SLC51A: variants seen among roughly 807,000 people sequenced by gnomAD.
SLC51A encodes the protein organic solute transporter subunit alpha.
Under a neutral mutation model 34.8 loss-of-function variants are expected in SLC51A, and 22 were observed. That is an observed-to-expected ratio of 0.63 (90% CI 0.45 to 0.90). The LOEUF (loss-of-function observed/expected upper bound fraction) is 0.90, where lower values mean the gene tolerates loss of function less well. Ranked by LOEUF, SLC51A falls within the 40% of genes least tolerant of loss-of-function variation. SLC51A has a pLI of 0.00. For missense variants in SLC51A, 371 were observed against 414.8 expected (o/e 0.89, Z 0.92); for synonymous variants, 181 against 176.3 (o/e 1.03, Z -0.21).
At chr3:196,220,289 G>A (rs1244940453) in intron 2 of SLC51A, among the ~76,000 whole-genome samples, 1 of 152,208 alleles carries the variant, frequency 6.6e-6, no homozygotes, top group East Asian at 1.9e-4. Flanking sequence ...GGACTGCAGA[G>A]GAAGAGGCTT....
At position 196,232,747 on chromosome 3, in the gene SLC51A, A is replaced by C. The variant is rs2108757943; in HGVS notation, c.886+223A>C. 8.5e-6 allele frequency: 5 copies of C among 586,016 alleles called. No individual in the cohort carries two copies. In the East Asian group the frequency reaches 8.6e-5, roughly 10 times the overall value. 36.3% of individuals were successfully genotyped at this position (586,016 alleles called of 1,614,324 possible). A position where few individuals can be genotyped will look rare whatever the true frequency, so the allele number is the denominator to read the frequency against. The stretch of plus-strand genomic sequence containing the variant: ...AGCTTGAGGCCAGCCCTGAGGGCCA[A>C]CCCAGGAAGCCATGGGTTCAGTCCT... On this transcript the variant is annotated intron_variant, in intron 8 of 8. Coordinates refer to ENST00000296327, the MANE Select transcript of SLC51A (RefSeq NM_152672.6).
chr3:196,225,364 G>C (rs946753306), intron 2 of SLC51A, among the ~76,000 whole-genome samples: 1 of 152,120 alleles, frequency 6.6e-6, no homozygotes, highest in African/African-American at 2.4e-5. Context: ...AAGAGCTCCA[G>C]CTCAAGTCTG....
At position 196,228,228 on chromosome 3, in the gene SLC51A, CCTG is replaced by C. The variant is rs142849558; in HGVS notation, c.490_492del (p.Cys164del). ...ACCCCGATGATGGTCCACACAGGCC[CCTG>C]CTGCTGCTGCTGCCCCTGCTGTCCA... On this transcript the variant is annotated inframe_deletion, in exon 5 of 9. Coordinates refer to ENST00000296327, the MANE Select transcript of SLC51A (RefSeq NM_152672.6). The surrounding 1 kb of genome is among the most constrained non-coding windows in gnomAD (Gnocchi z 4.9). The C allele has an allele frequency of 6.7e-5, 107 of 1,606,750 alleles. No homozygotes were observed. The highest frequency in any genetic ancestry group is 1.7e-4 in the Middle Eastern group (1 of 6,058).
intron 2 of SLC51A, chr3:196,226,438 T>C (rs1384896412): frequency 6.6e-6 from 1 of 152,226 alleles, no homozygotes; most frequent in Non-Finnish European, 1.5e-5. Context: ...ATTATGTTAA[T>C]TGATCTACAT....
chr3:196,231,173 AC>A (rs897717118), intron 7 of SLC51A, among the ~76,000 whole-genome samples: 1 of 152,186 alleles, frequency 6.6e-6, no homozygotes, highest in African/African-American at 2.4e-5. Context: ...GAAGAAACAG[AC>A]CCAGAGATGT....
intron 6 of SLC51A, 190 bp from the exon 7 acceptor site, chr3:196,229,725 G>T (rs1723987138): frequency 1.1e-5 from 5 of 470,344 alleles, no homozygotes; most frequent in Non-Finnish European, 1.8e-5. Context: ...ATGGTGGTGT[G>T]CACCTGTAGT....
At chr3:196,226,266 G>A (rs953647863) in intron 2 of SLC51A, among the ~76,000 whole-genome samples, 2 of 152,110 alleles carry the variant, frequency 1.3e-5, no homozygotes, top group African/African-American at 4.8e-5. Flanking sequence ...AGGTTGCAGT[G>A]AGCCATGATC....
rs182907254 is a variant in SLC51A, at chr3:196,227,471, G to A, written c.289-193G>A. On this transcript the variant is annotated intron_variant, in intron 3 of 8. Coordinates refer to ENST00000296327, the MANE Select transcript of SLC51A (RefSeq NM_152672.6). ...GGGTCACACTCAGCTCCACCCTTAC[G>A]CTGAGGCTTTTGAAACACCCTCCCA... 5.0e-5 allele frequency: 31 copies of A among 616,502 alleles called. No homozygotes were observed. In the Middle Eastern group the frequency reaches 3.1e-3, roughly 61 times the overall value. The allele number at this position is 616,502 out of a possible 1,614,324, so 38.2% of individuals were successfully genotyped here.
chr3:196,223,524 G>A (rs1690378804), intron 2 of SLC51A, among the ~76,000 whole-genome samples: 1 of 151,800 alleles, frequency 6.6e-6, no homozygotes, highest in African/African-American at 2.4e-5. Context: ...TTGGTGGCGT[G>A]TGAAAGGGCA....
chr3:196,223,752 AAAG>A (rs1723825957), intron 2 of SLC51A: 13 of 245,062 alleles, frequency 5.3e-5, no homozygotes, highest in Admixed American at 7.2e-5. Context: ...AAAAAAAAAG[AAAG>A]AAAGAAAATA....
At position 196,227,757 on chromosome 3, in the gene SLC51A, C is replaced by G; in HGVS notation, c.362+20C>G. On this transcript the variant is annotated intron_variant, in intron 4 of 8. Coordinates refer to ENST00000296327, the MANE Select transcript of SLC51A (RefSeq NM_152672.6). ...CACCTCGTGAGTGCCCTGCCTCGCC[C>G]CACCTCCAAGGGCCCCTCTGCTCCC... 3 of 1,604,774 alleles carry G rather than the reference C, an allele frequency of 1.9e-6. No homozygotes were observed. The African/African-American group carries it at 4.0e-5, about 21-fold the overall frequency.
chr3:196,225,163 G>C (rs1723865220), intron 2 of SLC51A, among the ~76,000 whole-genome samples: 1 of 151,894 alleles, frequency 6.6e-6, no homozygotes, highest in Non-Finnish European at 1.5e-5. Context: ...TAGTAGAGGT[G>C]GGGTTTCACT....
At chr3:196,229,847 T>C (rs1723989688) in intron 6 of SLC51A, 68 bp from the exon 7 acceptor site, 9 of 1,514,876 alleles carry the variant, frequency 5.9e-6, no homozygotes, top group Non-Finnish European at 7.1e-6. Context: ...AGTGACACCA[T>C]CTCTTGAAAG....
chr3:196,220,641 C>T (rs1723732652), intron 2 of SLC51A, among the ~76,000 whole-genome samples: 2 of 152,050 alleles, frequency 1.3e-5, no homozygotes, highest in Admixed American at 1.3e-4. Flanking sequence ...GAGGTCGTTG[C>T]CCCGGCCTGC....
chr3:196,225,489 G>C (rs960763144), intron 2 of SLC51A, among the ~76,000 whole-genome samples: 1 of 152,082 alleles, frequency 6.6e-6, no homozygotes, highest in Non-Finnish European at 1.5e-5. Flanking sequence ...TCCCTTCCTC[G>C]TGCTCACCCC....
Position 196,216,642 on chromosome 3 carries a change from G to C in SLC51A, c.-71G>C. 1 of 1,479,582 alleles carries C rather than the reference G, an allele frequency of 6.8e-7. No homozygotes were observed. Among genetic ancestry groups the C allele is most frequent in the Non-Finnish European group, 9.2e-7 (1 of 1,086,018 alleles). 91.7% of individuals were successfully genotyped at this position (1,479,582 alleles called of 1,614,324 possible). On this transcript the variant is annotated 5_prime_UTR_variant, in exon 1 of 9. Transcript: ENST00000296327. The surrounding 1 kb of genome is among the most constrained non-coding windows in gnomAD (Gnocchi z 4.5). ...GCCCAGGCAAGCCACCCTGCCCCCGGCCCCCACCTGCCCGCCCCGCCTGCC... is the reference window on the plus strand; with the variant it reads ...GCCCAGGCAAGCCACCCTGCCCCCGCCCCCCACCTGCCCGCCCCGCCTGCC...
At chr3:196,223,497 G>A (rs920022856) in intron 2 of SLC51A, among the ~76,000 whole-genome samples, 7 of 151,734 alleles carry the variant, frequency 4.6e-5, no homozygotes, top group Non-Finnish European at 1.5e-5. Flanking sequence ...GGGAAATGAA[G>A]ACTGGGAAGG....
At chr3:196,227,905 A>G (rs1723937613) in intron 4 of SLC51A, 168 bp downstream of exon 4, 1 of 910,018 alleles carries the variant, frequency 1.1e-6, no homozygotes, top group East Asian at 2.6e-5. Flanking sequence ...TCATTTTGGC[A>G]TCTGGCACAT....
intron 2 of SLC51A, among the ~76,000 whole-genome samples, chr3:196,218,598 G>T (rs1723657443): frequency 6.6e-6 from 1 of 152,196 alleles, no homozygotes; most frequent in African/African-American, 2.4e-5. Context: ...GAAGGGGAGG[G>T]TGTGGGGATC....
Sources: gnomAD v4.1 joint callset for allele counts (sites outside exome capture counted in the v4.1 genomes callset) on GRCh38, gnomAD v4.1.1 for gene constraint, Gnocchi (gnomAD v3.1) non-coding constraint, MANE v1.5 for transcripts, NCBI Gene and HGNC (gene_info 2026-07-23, HGNC 2026-07-21) for gene names.